Variants in TEX48 observed in about 807,000 individuals in gnomAD.
TEX48 encodes the protein testis-expressed protein 48.
TEX48 carries 10 observed loss-of-function variants against 13.2 expected under a neutral mutation model. That is an observed-to-expected ratio of 0.75 (90% CI 0.47 to 1.28). The LOEUF is 1.28. Among genes scored for constraint, TEX48 ranks in the 50% most tolerant of loss-of-function variants. The pLI is 0.00. For missense variants in TEX48, 116 were observed against 139.4 expected, an observed-to-expected ratio of 0.83 and a Z score of 0.84; for synonymous variants, 45 against 52.3, an observed-to-expected ratio of 0.86 and a Z score of 0.60.
chr9:114,671,350 A>G (rs534984144), intron 3 of TEX48, 33 bp downstream of exon 3: 1 of 1,532,882 alleles, frequency 6.5e-7, no homozygotes, highest in African/African-American at 1.4e-5. Context: ...AGGTTTAGAG[A>G]GGCCATGCAG....
chr9:114,672,071 G>C (rs979672055), intron 1 of TEX48, among the ~76,000 whole-genome samples: 3 of 152,206 alleles, frequency 2.0e-5, no homozygotes, highest in Non-Finnish European at 4.4e-5. Context: ...CTTTGCAGGA[G>C]TAAAGACTCA....
intron 1 of TEX48, among the ~76,000 whole-genome samples, chr9:114,679,070 T>C (rs1828134902): frequency 6.6e-6 from 1 of 151,694 alleles, no homozygotes; most frequent in African/African-American, 2.4e-5. Context: ...AAATGATGAA[T>C]CAATAGGTGA....
chr9:114,669,736 C>A (rs960277792), intron 3 of TEX48, among the ~76,000 whole-genome samples: 1 of 151,944 alleles, frequency 6.6e-6, no homozygotes, highest in Non-Finnish European at 1.5e-5. Context: ...CCACCATGCC[C>A]AGTCTGGCTA....
At chr9:114,668,943 C>A (rs1448711074) in intron 3 of TEX48, among the ~76,000 whole-genome samples, 1 of 151,892 alleles carries the variant, frequency 6.6e-6, no homozygotes, top group Non-Finnish European at 1.5e-5. Flanking sequence ...CTCAAGCAAT[C>A]CTCCTGCCTC....
At chr9:114,673,850 G>A (rs1474567310) in intron 1 of TEX48, among the ~76,000 whole-genome samples, 1 of 151,676 alleles carries the variant, frequency 6.6e-6, no homozygotes, top group Admixed American at 6.6e-5. Flanking sequence ...CTGTCACCCA[G>A]GCTGGAGTAC....
At chr9:114,672,061 C>T (rs1827959102) in intron 1 of TEX48, among the ~76,000 whole-genome samples, 1 of 152,204 alleles carries the variant, frequency 6.6e-6, no homozygotes, top group Non-Finnish European at 1.5e-5. Flanking sequence ...GCAGTGCCTA[C>T]TTTGCAGGAG....
At chr9:114,674,202 T>C (rs986353789) in intron 1 of TEX48, among the ~76,000 whole-genome samples, 15 of 152,178 alleles carry the variant, frequency 9.9e-5, no homozygotes, top group Admixed American at 4.6e-4. Flanking sequence ...TAAGATACTC[T>C]GTAATCTAAT....
chr9:114,680,120 C>CTTTTTTTTTTTTT (rs2079145442), intron 1 of TEX48, among the ~76,000 whole-genome samples: 603 of 51,952 alleles, frequency 0.012, 18 homozygotes, highest in Non-Finnish European at 0.015. Flanking sequence ...TGTCATTGTC[C>CTTTTTTTTTTTTT]CTTTTTTTTT....
chr9:114,672,094 G>T (rs1827960070), intron 1 of TEX48, among the ~76,000 whole-genome samples: 1 of 152,332 alleles, frequency 6.6e-6, no homozygotes, highest in Admixed American at 6.5e-5. Context: ...TATATGAAAA[G>T]TAGCTCCTGT....
intron 1 of TEX48, among the ~76,000 whole-genome samples, chr9:114,673,402 C>T (rs1046480366): frequency 7.0e-6 from 1 of 142,956 alleles, no homozygotes; most frequent in East Asian, 2.1e-4. Context: ...ACCCTGGAGG[C>T]GGAGGTTGTG....
Position 114,680,120 on chromosome 9 carries a change from CCTTT to C in TEX48, c.-105+1911_-105+1914del, listed in dbSNP as rs1161671406. Among the ~76,000 whole-genome samples, 87 of 52,122 alleles carry C rather than the reference CCTTT, an allele frequency of 1.7e-3. 2 individuals carry two copies. Among genetic ancestry groups the C allele is most frequent in the South Asian group, 0.016 (30 of 1,820 alleles). 34.2% of individuals were successfully genotyped at this position (52,122 alleles called of 152,430 possible). A position where few individuals can be genotyped will look rare whatever the true frequency, so the allele number is the denominator to read the frequency against. ...GAAAATACTTTTAATTGTCATTGTC[CCTTT>C]TTTTTTTTTTTTTTTTTTTTGAGAT... On this transcript the variant is annotated intron_variant, in intron 1 of 4. Transcript: ENST00000436752.
At chr9:114,667,761 T>C (rs1225196258) in intron 4 of TEX48, among the ~76,000 whole-genome samples, 1 of 152,048 alleles carries the variant, frequency 6.6e-6, no homozygotes, top group African/African-American at 2.4e-5. Context: ...TAACCAGGCA[T>C]GTTGGTGGGC....
Position 114,671,806 on chromosome 9 carries a change from G to A in TEX48, c.-83C>T, listed in dbSNP as rs938187434. 3 of 1,460,310 alleles carry A rather than the reference G, an allele frequency of 2.1e-6. No homozygotes were observed. Among genetic ancestry groups the A allele is most frequent in the Non-Finnish European group, 2.8e-6 (3 of 1,078,478 alleles). The allele number at this position is 1,460,310 out of a possible 1,614,324, so 90.5% of individuals were successfully genotyped here. A position where few individuals can be genotyped will look rare whatever the true frequency, so the allele number is the denominator to read the frequency against. On this transcript the variant is annotated 5_prime_UTR_variant, in exon 2 of 5. Transcript: ENST00000436752. Reference sequence around the variant, plus strand: ...TCAGCCAGTCTTGAGTTTGAGCCCAGTTCACTGGGCTGGGCTGTTTCCTAA... The same window carrying A: ...TCAGCCAGTCTTGAGTTTGAGCCCAATTCACTGGGCTGGGCTGTTTCCTAA...
intron 3 of TEX48, 77 bp downstream of exon 3, chr9:114,671,306 G>C (rs1827941437): frequency 1.3e-6 from 2 of 1,489,762 alleles, no homozygotes; most frequent in East Asian, 2.5e-5. Context: ...AGGCAGTTTG[G>C]GGGTATCCCA....
intron 3 of TEX48, 59 bp downstream of exon 3, chr9:114,671,322 CAG>C (rs1321479336): frequency 5.3e-6 from 8 of 1,519,280 alleles, no homozygotes; most frequent in Non-Finnish European, 7.0e-6. Flanking sequence ...TCCCAGCAGG[CAG>C]AGAGTGAGCA....
rs1339377912 is a variant in TEX48, at chr9:114,671,745, CTCTGCCAGCTTTG to C, written c.-35_-23del. The C allele has an allele frequency of 6.5e-7, 1 of 1,535,656 alleles. No homozygotes were observed. The highest frequency in any genetic ancestry group is 8.7e-7 in the Non-Finnish European group (1 of 1,146,858). ...CCATGGAAAGGAGTTGAAACTTCTA[CTCTGCCAGCTTTG>C]TCTGCAGGGGTGCCTTGTTGAATCA... is the stretch of plus-strand genomic sequence containing the variant. On this transcript the variant is annotated 5_prime_UTR_variant, in exon 2 of 5. Coordinates refer to ENST00000436752, the MANE Select transcript of TEX48 (RefSeq NM_001199233.2).
intron 1 of TEX48, among the ~76,000 whole-genome samples, chr9:114,680,159 C>G (rs1828163993): frequency 1.2e-5 from 1 of 83,696 alleles, no homozygotes; most frequent in South Asian, 4.1e-4. Context: ...TGGAGTTTTG[C>G]TCTTGTTGCC....
chr9:114,670,491 T>TC (rs1287885981), intron 3 of TEX48, among the ~76,000 whole-genome samples: 1 of 117,134 alleles, frequency 8.5e-6, no homozygotes, highest in Non-Finnish European at 1.9e-5. Context: ...CAATAGTGCT[T>TC]CTTTTTTTTT....
At position 114,671,405 on chromosome 9, in the gene TEX48, C is replaced by T. The variant is rs2296948; in HGVS notation, c.105G>A (p.Gln35=). 0.58 allele frequency: 895,789 copies of T among 1,534,868 alleles called. 262,986 individuals carry two copies. The highest frequency in any genetic ancestry group is 0.72 in the Admixed American group (36,902 of 50,980). Reference sequence around the variant, plus strand: ...TACTTTGGGTCGATGGCTTGTGCTCCTGGGTTTGACTGGGAACCTTGGAGT... The same window carrying T: ...TACTTTGGGTCGATGGCTTGTGCTCTTGGGTTTGACTGGGAACCTTGGAGT... ...INDSKVPSQT[Q]EHKPSTQNLL... Residue 35 remains glutamine (Q), a synonymous_variant, in exon 3 of 5, where the codon CAG becomes CAA. Transcript: ENST00000436752.
Sources: allele counts gnomAD v4.1 joint callset (sites outside exome capture counted in the v4.1 genomes callset), GRCh38; gene constraint gnomAD v4.1.1; transcripts MANE v1.5; gene names NCBI Gene and HGNC (gene_info 2026-07-23, HGNC 2026-07-21).